The following RLBP1 variants were observed in gnomAD, a reference collection of about 807,000 sequenced individuals.
RLBP1 encodes the protein retinaldehyde-binding protein 1.
Under a neutral mutation model 36.2 loss-of-function variants are expected in RLBP1, and 26 were observed. The ratio of observed to expected loss-of-function variants is 0.72; its 90% CI spans 0.53 to 1.00. RLBP1 has a LOEUF of 1.00. RLBP1 is among the 50% of genes least tolerant of loss of function. RLBP1 has a pLI of 0.00. For missense variants in RLBP1, 410 were observed against 402.4 expected, an observed-to-expected ratio of 1.02 and a Z score of -0.16; for synonymous variants, 155 against 156.2, an observed-to-expected ratio of 0.99 and a Z score of 0.06.
At chr15:89,216,476 C>T (rs918149405) in intron 5 of RLBP1, among the ~76,000 whole-genome samples, 5 of 152,240 alleles carry the variant, frequency 3.3e-5, no homozygotes, top group Non-Finnish European at 7.3e-5. Flanking sequence ...GCATGCGCCA[C>T]CACGCCCGGC....
At chr15:89,213,161 T>G (rs1228903954) in intron 6 of RLBP1, among the ~76,000 whole-genome samples, 1 of 152,232 alleles carries the variant, frequency 6.6e-6, no homozygotes, top group Non-Finnish European at 1.5e-5. Context: ...GTGTCTTATT[T>G]GATGGGAAAA....
intron 5 of RLBP1, among the ~76,000 whole-genome samples, 199 bp from the exon 6 acceptor site, chr15:89,215,437 T>C (rs1210091025): frequency 6.6e-6 from 1 of 152,210 alleles, no homozygotes; most frequent in Non-Finnish European, 1.5e-5. Flanking sequence ...ATAGTCTAGA[T>C]AGTGGCCTAT....
chr15:89,217,249 G>A lies in RLBP1; in HGVS notation c.217C>T (p.Gln73Ter), dbSNP rs2150971301. 2 of 1,611,744 alleles carry A rather than the reference G, an allele frequency of 1.2e-6. No homozygotes were observed. Among genetic ancestry groups the A allele is most frequent in the Non-Finnish European group, 1.7e-6 (2 of 1,179,998 alleles). ...VRELQEMVQA[Q>*]AASGEELAVA... is the part of the protein sequence containing the mutation. Reference sequence around the variant, plus strand: ...GCCAGCTCCTCCCCCGAGGCCGCCTGCGCCTGCACCATCTCCTGCAGCTCT... The same window carrying A: ...GCCAGCTCCTCCCCCGAGGCCGCCTACGCCTGCACCATCTCCTGCAGCTCT... The change falls in exon 5 of 9, where the codon CAG (glutamine) becomes TAG (stop). Residue 73 changes from glutamine (Q) to a stop codon, truncating the protein, a stop_gained. Transcript: ENST00000268125. LOFTEE classifies it high-confidence loss of function.
chr15:89,210,647 G>A lies in RLBP1; in HGVS notation c.795+52C>T. ...TAGAGTGTGAGGAGGGCTCAGGTGA[G>A]GCCCCACCCTCAGCCCTCTTGTCTC... On this transcript the variant is annotated intron_variant, in intron 8 of 8. Coordinates refer to ENST00000268125, the MANE Select transcript of RLBP1 (RefSeq NM_000326.5). This position sits in a 1 kb window ranked among gnomAD's most constrained non-coding sequence, Gnocchi z 4.7. 1 of 1,381,326 alleles carries A rather than the reference G, an allele frequency of 7.2e-7. No individual in the cohort carries two copies. Among genetic ancestry groups the A allele is most frequent in the South Asian group, 1.2e-5 (1 of 80,754 alleles). 85.6% of individuals were successfully genotyped at this position (1,381,326 alleles called of 1,614,324 possible).
rs1390039743 is a variant in RLBP1 at position 89,217,157 on chromosome 15, C to CCGTGCG, written c.303_308dup (p.Ala102_Arg103dup). 3.1e-6 allele frequency: 5 copies of CCGTGCG among 1,614,012 alleles called. No homozygotes were observed. The highest frequency in any genetic ancestry group is 4.2e-6 in the Non-Finnish European group (5 of 1,180,032). On this transcript the variant is annotated inframe_insertion, in exon 5 of 9. Transcript: ENST00000268125. ...CATAGGCACGGCCCACGTTGAACTTCCGTGCGCGGATGAAGCGCAGGAAGA... is the reference window on the plus strand; with the variant it reads ...CATAGGCACGGCCCACGTTGAACTTCCGTGCGCGTGCGCGGATGAAGCGCAGGAAGA...
intron 4 of RLBP1, 67 bp from the exon 5 acceptor site, chr15:89,217,391 A>ACTCATCACCTG: frequency 6.6e-7 from 1 of 1,507,514 alleles, no homozygotes; most frequent in Non-Finnish European, 9.1e-7. Context: ...CACACAGGTG[A>ACTCATCACCTG]TGAGTCTCCT....
intron 4 of RLBP1, 64 bp from the exon 5 acceptor site, chr15:89,217,388 G>A (rs2051591404): frequency 1.3e-6 from 2 of 1,516,244 alleles, no homozygotes. Context: ...GGACACACAG[G>A]TGATGAGTCT....
rs2051564772 is a variant in RLBP1 at position 89,214,653 on chromosome 15, G to T, written c.525+407C>A. On this transcript the variant is annotated intron_variant, in intron 6 of 8. Coordinates refer to ENST00000268125, the MANE Select transcript of RLBP1 (RefSeq NM_000326.5). The surrounding 1 kb of genome is among the most constrained non-coding windows in gnomAD (Gnocchi z 4.6). ...AATTTTGCGAGCACAAAGAACTCGG[G>T]CTCCTAAATAGATTGGAACCTGTGC... 6.6e-6 allele frequency among the ~76,000 whole-genome samples: 1 copy of T among 151,880 alleles called. No individual in the cohort carries two copies. Among genetic ancestry groups the T allele is most frequent in the South Asian group, 2.1e-4 (1 of 4,824 alleles).
At position 89,215,183 on chromosome 15, in the gene RLBP1, C is replaced by T; in HGVS notation, c.402G>A (p.Glu134=). The change falls in exon 6 of 9, where the codon GAG becomes GAA. Residue 134 remains glutamate (E), a synonymous_variant. Coordinates refer to ENST00000268125, the MANE Select transcript of RLBP1 (RefSeq NM_000326.5). ...CAGCTTCAATGGTGCAGCGGACAGCCTCTGGGGACAGGCTGTCAAAGAGCT... is the reference window on the plus strand; with the variant it reads ...CAGCTTCAATGGTGCAGCGGACAGCTTCTGGGGACAGGCTGTCAAAGAGCT... The part of the protein sequence containing the change: ...YPELFDSLSP[E]AVRCTIEAGY... 6.2e-7 allele frequency: 1 copy of T among 1,614,226 alleles called. No individual in the cohort carries two copies.
chr15:89,210,338 C>T lies in RLBP1; in HGVS notation c.901G>A (p.Val301Ile), dbSNP rs773667486. 31 of 1,614,230 alleles carry T rather than the reference C, an allele frequency of 1.9e-5. No homozygotes were observed. Among genetic ancestry groups the T allele is most frequent in the East Asian group, 6.7e-5 (3 of 44,878 alleles). The change falls in exon 9 of 9, where the codon GTT becomes ATT. Residue 301 changes from valine to isoleucine, a missense_variant. Val to Ile is a conservative substitution (Grantham distance 29). Transcript: ENST00000268125. This position sits in a 1 kb window ranked among gnomAD's most constrained non-coding sequence, Gnocchi z 4.7. The part of the protein sequence containing the change: ...GTLPKYDGKA[V>I]AEQLFGPQAQ... ...TGGGGGCCAAAGAGCTGCTCAGCAA[C>T]GGCCTTGCCATCATACTTGGGCAGC...
In RLBP1 at chr15:89,210,588, G is replaced by T; in HGVS notation, c.795+111C>A. 1 of 1,226,842 alleles carries T rather than the reference G, an allele frequency of 8.2e-7. No individual in the cohort carries two copies. The highest frequency in any genetic ancestry group is 1.2e-6 in the Non-Finnish European group (1 of 847,134). 76.0% of individuals were successfully genotyped at this position (1,226,842 alleles called of 1,614,324 possible). The stretch of plus-strand genomic sequence containing the variant: ...CTCTCTCCGCAGGTCTCCATGTTGG[G>T]TGTCAGTGGGATCCACATAGCTCAG... On this transcript the variant is annotated intron_variant, in intron 8 of 8. Transcript: ENST00000268125. This position sits in a 1 kb window ranked among gnomAD's most constrained non-coding sequence, Gnocchi z 4.7.
At chr15:89,215,335 CCTATG>C in intron 5 of RLBP1, 97 bp from the exon 6 acceptor site, 1 of 1,243,296 alleles carries the variant, frequency 8.0e-7, no homozygotes, top group Non-Finnish European at 1.2e-6. Flanking sequence ...CCTGCCAGGT[CCTATG>C]TGTGACCGAG....
chr15:89,212,608 ATGTGTGTGTGTGTGCG>A (rs2051547648), intron 6 of RLBP1, among the ~76,000 whole-genome samples: 2 of 131,194 alleles, frequency 1.5e-5, no homozygotes, highest in African/African-American at 5.7e-5. Flanking sequence ...AAAAAGAAAA[ATGTGTGTGTGTGTGCG>A]CGTGTGTGTG....
At chr15:89,216,620 C>G (rs1290936487) in intron 5 of RLBP1, among the ~76,000 whole-genome samples, 1 of 152,222 alleles carries the variant, frequency 6.6e-6, no homozygotes, top group Non-Finnish European at 1.5e-5. Flanking sequence ...CCGCAACCGG[C>G]CGATGATTTC....
intron 4 of RLBP1, 128 bp from the exon 5 acceptor site, chr15:89,217,452 G>T: frequency 1.1e-6 from 1 of 887,928 alleles, no homozygotes; most frequent in Non-Finnish European, 1.8e-6. Context: ...CCGCAGCTTT[G>T]CTTTTCTGCC....
At position 89,210,553 on chromosome 15, in the gene RLBP1, C is replaced by G; in HGVS notation, c.796-110G>C. On this transcript the variant is annotated intron_variant, in intron 8 of 8. Transcript: ENST00000268125. This position sits in a 1 kb window ranked among gnomAD's most constrained non-coding sequence, Gnocchi z 4.7. ...AAGCCCCATCATGTGCAGTCTTTGC[C>G]TGGCGACACCTCTCTCCGCAGGTCT... 1 of 1,331,110 alleles carries G rather than the reference C, an allele frequency of 7.5e-7. No individual in the cohort carries two copies. Among genetic ancestry groups the G allele is most frequent in the Non-Finnish European group, 1.1e-6 (1 of 934,382 alleles). 82.5% of individuals were successfully genotyped at this position (1,331,110 alleles called of 1,614,324 possible).
In RLBP1 at chr15:89,217,250, C is replaced by A. The variant is rs747706171; in HGVS notation, c.216G>T (p.Ala72=). Residue 72 remains alanine (A), a synonymous_variant, in exon 5 of 9, where the codon GCG becomes GCT. Transcript: ENST00000268125. ...AVRELQEMVQ[A]QAASGEELAV... ...CCAGCTCCTCCCCCGAGGCCGCCTG[C>A]GCCTGCACCATCTCCTGCAGCTCTC... 2 of 1,611,500 alleles carry A rather than the reference C, an allele frequency of 1.2e-6. No individual in the cohort carries two copies. Among genetic ancestry groups the A allele is most frequent in the South Asian group, 2.2e-5 (2 of 91,090 alleles).
chr15:89,211,722 C>T lies in RLBP1; in HGVS notation c.684+21G>A, dbSNP rs780751128. ...TCCCCAGCTGTGGGAGGCTGCCGTG[C>T]GACAGAACTCTAAGCCTCACCTGGA... On this transcript the variant is annotated intron_variant, in intron 7 of 8. Transcript: ENST00000268125. The surrounding 1 kb of genome is among the most constrained non-coding windows in gnomAD (Gnocchi z 5.8). The T allele has an allele frequency of 2.6e-5, 42 of 1,612,296 alleles. No homozygotes were observed. The Admixed American group carries it at 3.0e-4, about 12-fold the overall frequency.
chr15:89,219,410 C>G (rs2051609062), intron 2 of RLBP1, among the ~76,000 whole-genome samples: 1 of 152,242 alleles, frequency 6.6e-6, no homozygotes, highest in African/African-American at 2.4e-5. Context: ...GACATGATCA[C>G]TGCAGGATAA....
Sources: allele counts gnomAD v4.1 joint callset (sites outside exome capture counted in the v4.1 genomes callset), GRCh38; gene constraint gnomAD v4.1.1; non-coding constraint Gnocchi (gnomAD v3.1); transcripts MANE v1.5; gene names NCBI Gene and HGNC (gene_info 2026-07-23, HGNC 2026-07-21).